POT1: variants seen among roughly 807,000 people sequenced by gnomAD.
The protein encoded by POT1 is protection of telomeres 1.
POT1 carries 47 observed loss-of-function variants against 78.5 expected under a neutral mutation model. The ratio of observed to expected loss-of-function variants is 0.60; its 90% CI spans 0.47 to 0.76. The LOEUF (loss-of-function observed/expected upper bound fraction) is 0.76, where lower values mean the gene tolerates loss of function less well. POT1 is among the 30% of genes least tolerant of loss of function. The probability of loss-of-function intolerance (pLI) is 0.00; values close to 1 mark genes in which losing one functional copy is unlikely to be tolerated. For missense variants in POT1, 646 were observed against 749.9 expected (o/e 0.86, Z 1.62); for synonymous variants, 259 against 260.7 (o/e 0.99, Z 0.06).
intron 11 of POT1, among the ~76,000 whole-genome samples, chr7:124,848,362 T>A (rs1033657186): frequency 1.9e-4 from 29 of 152,046 alleles, no homozygotes; most frequent in African/African-American, 7.0e-4. Flanking sequence ...AAATATAAAT[T>A]AATGAATGAA....
intron 12 of POT1, among the ~76,000 whole-genome samples, chr7:124,843,716 A>G (rs1714738001): frequency 6.6e-6 from 1 of 152,228 alleles, no homozygotes; most frequent in Admixed American, 6.5e-5. Context: ...GCTTAAGGCA[A>G]CAGCTTGCTA....
chr7:124,854,246 T>C (rs377704739), intron 9 of POT1, among the ~76,000 whole-genome samples: 1 of 151,996 alleles, frequency 6.6e-6, no homozygotes, highest in East Asian at 1.9e-4. Flanking sequence ...ATGTTTCACA[T>C]ATATGTTATA....
chr7:124,835,475 C>T, intron 14 of POT1, 61 bp from the exon 15 acceptor site: 1 of 1,535,728 alleles, frequency 6.5e-7, no homozygotes, highest in Non-Finnish European at 8.9e-7. Context: ...AAGTACAGTC[C>T]TATTAAATAA....
At chr7:124,927,780 T>C (rs1331839516) in intron 2 of POT1, among the ~76,000 whole-genome samples, 3 of 152,160 alleles carry the variant, frequency 2.0e-5, no homozygotes, top group Admixed American at 6.5e-5. Flanking sequence ...ACTTATCATG[T>C]TTCTCCCTAA....
chr7:124,832,002 A>AAT (rs1477828657), intron 15 of POT1, among the ~76,000 whole-genome samples: 41 of 118,834 alleles, frequency 3.5e-4, no homozygotes, highest in Non-Finnish European at 6.4e-4. Context: ...TTAAAAATAA[A>AAT]AAAAAAAAAA....
At chr7:124,896,304 C>T (rs1796489278) in intron 5 of POT1, among the ~76,000 whole-genome samples, 1 of 151,452 alleles carries the variant, frequency 6.6e-6, no homozygotes, top group East Asian at 1.9e-4. Flanking sequence ...TCATTTATTC[C>T]CGCCTTATTT....
intron 15 of POT1, 150 bp from the exon 16 acceptor site, chr7:124,829,492 G>T: frequency 1.8e-6 from 1 of 546,556 alleles, no homozygotes; most frequent in Non-Finnish European, 3.2e-6. Flanking sequence ...GTGCTTGTTT[G>T]TTTCACAAGA....
intron 2 of POT1, among the ~76,000 whole-genome samples, chr7:124,919,593 A>G (rs559538905): frequency 6.6e-6 from 1 of 152,106 alleles, no homozygotes; most frequent in Non-Finnish European, 1.5e-5. Context: ...TGGGACACAC[A>G]GAAACACAAC....
At chr7:124,925,999 A>G (rs1385656939) in intron 2 of POT1, among the ~76,000 whole-genome samples, 5 of 152,168 alleles carry the variant, frequency 3.3e-5, no homozygotes, top group Admixed American at 3.3e-4. Flanking sequence ...AAAACTATAA[A>G]AATATAGAAG....
chr7:124,843,519 G>A (rs1251592071), intron 12 of POT1, among the ~76,000 whole-genome samples: 8 of 152,036 alleles, frequency 5.3e-5, no homozygotes, highest in Non-Finnish European at 1.2e-4. Flanking sequence ...AGGGAGTGGA[G>A]GAGGAGGGAG....
chr7:124,853,139 C>A lies in POT1; in HGVS notation c.703-1G>T. The A allele has an allele frequency of 1.3e-6, 2 of 1,556,516 alleles. No homozygotes were observed. Among genetic ancestry groups the A allele is most frequent in the Admixed American group, 1.9e-5 (1 of 53,098 alleles). ...TATAGATTCTAAGAAAGCTTCCAAC[C>A]TAAAAAATAGATCATTTGTTATTTA... On this transcript the variant is annotated splice_acceptor_variant, in intron 9 of 18. Transcript: ENST00000357628. LOFTEE classifies it high-confidence loss of function.
intron 8 of POT1, among the ~76,000 whole-genome samples, chr7:124,859,617 G>A (rs1294620408): frequency 1.3e-5 from 2 of 151,454 alleles, no homozygotes; most frequent in Non-Finnish European, 2.9e-5. Flanking sequence ...TTTATATGAT[G>A]ATTTTCTGGT....
intron 6 of POT1, among the ~76,000 whole-genome samples, chr7:124,887,053 A>G (rs540640364): frequency 1.1e-4 from 16 of 152,162 alleles, no homozygotes; most frequent in Non-Finnish European, 2.1e-4. Context: ...AAATTCGAAG[A>G]GGATCATAGT....
At chr7:124,862,712 G>A (rs897270934) in intron 8 of POT1, among the ~76,000 whole-genome samples, 2 of 152,098 alleles carry the variant, frequency 1.3e-5, no homozygotes, top group African/African-American at 4.8e-5. Flanking sequence ...ATAACCATAG[G>A]AGCAGGCCTG....
At chr7:124,860,839 T>C (rs1430471407) in intron 8 of POT1, among the ~76,000 whole-genome samples, 1 of 152,076 alleles carries the variant, frequency 6.6e-6, no homozygotes, top group Non-Finnish European at 1.5e-5. Context: ...CTCCCACTTA[T>C]GAGTGAGAAC....
rs987062256 is a variant in POT1, at chr7:124,858,129, G to A, written c.702+828C>T. ...GCACTCCAGTTCCTGCCCGTGAAGG[G>A]GTCAGGGAAATACCCTGCTTCAATC... On this transcript the variant is annotated intron_variant, in intron 9 of 18. Transcript: ENST00000357628. Among the ~76,000 whole-genome samples the A allele has an allele frequency of 5.6e-4, 85 of 152,102 alleles. 1 individual carries two copies. Among genetic ancestry groups the A allele is most frequent in the South Asian group, 6.2e-4 (3 of 4,824 alleles).
chr7:124,835,768 T>C (rs1243370205), intron 14 of POT1, among the ~76,000 whole-genome samples: 2 of 152,220 alleles, frequency 1.3e-5, no homozygotes, highest in Non-Finnish European at 2.9e-5. Context: ...ATTTGCTATA[T>C]ACTAATTAAT....
intron 7 of POT1, among the ~76,000 whole-genome samples, chr7:124,865,364 T>C (rs776238633): frequency 1.1e-4 from 16 of 152,140 alleles, no homozygotes; most frequent in Non-Finnish European, 1.8e-4. Flanking sequence ...TCCTTATTTC[T>C]ATAAATATTT....
At chr7:124,914,452 C>T (rs992483846) in intron 3 of POT1, among the ~76,000 whole-genome samples, 1 of 152,012 alleles carries the variant, frequency 6.6e-6, no homozygotes, top group Non-Finnish European at 1.5e-5. Context: ...CATATCAAGT[C>T]TTTCTACACA....
Sources: allele counts gnomAD v4.1 joint callset (sites outside exome capture counted in the v4.1 genomes callset), GRCh38; gene constraint gnomAD v4.1.1; transcripts MANE v1.5; gene names NCBI Gene and HGNC (gene_info 2026-07-23, HGNC 2026-07-21).